Variants in UTRN observed in about 807,000 individuals in gnomAD.
The protein encoded by UTRN is dystrophin-related protein 1.
Under a neutral mutation model 463.9 loss-of-function variants are expected in UTRN, and 283 were observed. That is an observed-to-expected ratio of 0.61 (90% CI 0.55 to 0.67). The LOEUF (loss-of-function observed/expected upper bound fraction) is 0.67. UTRN is among the 30% of genes least tolerant of loss of function. The probability of loss-of-function intolerance (pLI) is 0.00; values close to 1 mark genes in which losing one functional copy is unlikely to be tolerated. For synonymous variants in UTRN, 1,442 were observed against 1,431.5 expected (o/e 1.01, Z -0.17); for missense variants, 3,922 against 4,084.3 (o/e 0.96, Z 1.08).
chr6:144,403,863 G>C (rs1432042682), intron 3 of UTRN, among the ~76,000 whole-genome samples: 1 of 152,184 alleles, frequency 6.6e-6, no homozygotes, highest in Non-Finnish European at 1.5e-5. Context: ...CCTGAGGTAG[G>C]AGGAGAGTTT....
At chr6:144,836,721 A>C in intron 71 of UTRN, 180 bp downstream of exon 71, 1 of 953,756 alleles carries the variant, frequency 1.0e-6, no homozygotes, top group Non-Finnish European at 1.5e-6. Flanking sequence ...CCTCATTGGC[A>C]CACAAAAATG....
intron 53 of UTRN, among the ~76,000 whole-genome samples, chr6:144,712,118 TA>T (rs1249834080): frequency 1.3e-5 from 2 of 152,036 alleles, no homozygotes. Flanking sequence ...TTTCTGAAAT[TA>T]AAAAAAATTA....
In UTRN at chr6:144,804,100, T is replaced by G. The variant is rs565354964; in HGVS notation, c.9357+953T>G. Reference sequence around the variant, plus strand: ...TCCTTCCAAATAATGCCCAAATGTATTCATCAAGCTGTCTATTTTCTTTGG... The same window carrying G: ...TCCTTCCAAATAATGCCCAAATGTAGTCATCAAGCTGTCTATTTTCTTTGG... On this transcript the variant is annotated intron_variant, in intron 65 of 74. Coordinates refer to ENST00000367545, the MANE Select transcript of UTRN (RefSeq NM_007124.3). 3.3e-5 allele frequency among the ~76,000 whole-genome samples: 5 copies of G among 152,300 alleles called. No individual in the cohort carries two copies. The East Asian group carries it at 9.6e-4, about 29-fold the overall frequency.
chr6:144,559,904 GGAT>G (rs1799713494), intron 50 of UTRN, among the ~76,000 whole-genome samples: 1 of 152,126 alleles, frequency 6.6e-6, no homozygotes, highest in African/African-American at 2.4e-5. Context: ...AACACAGTCA[GGAT>G]GATATTTTTC....
At chr6:144,727,792 C>T (rs892783396) in intron 53 of UTRN, among the ~76,000 whole-genome samples, 1 of 151,574 alleles carries the variant, frequency 6.6e-6, no homozygotes, top group African/African-American at 2.4e-5. Context: ...AACAAAAAAA[C>T]CCAACAAACT....
At chr6:144,460,516 G>A (rs1301363929) in intron 21 of UTRN, among the ~76,000 whole-genome samples, 1 of 152,210 alleles carries the variant, frequency 6.6e-6, no homozygotes, top group Non-Finnish European at 1.5e-5. Flanking sequence ...TCAGTTATGT[G>A]AAATATGTCT....
chr6:144,456,971 T>A (rs1584864835), intron 19 of UTRN, among the ~76,000 whole-genome samples: 1 of 152,282 alleles, frequency 6.6e-6, no homozygotes, highest in East Asian at 1.9e-4. Context: ...GTGGCAGGAA[T>A]GTGTTCTATG....
At chr6:144,622,184 GTTTTTTTT>G (rs1199579909) in intron 51 of UTRN, among the ~76,000 whole-genome samples, 5 of 88,202 alleles carry the variant, frequency 5.7e-5, no homozygotes, top group South Asian at 4.7e-4. Flanking sequence ...TTTTTTTGTT[GTTTTTTTT>G]TTTTTTTTTT....
intron 56 of UTRN, among the ~76,000 whole-genome samples, chr6:144,753,969 A>G (rs1791691859): frequency 1.3e-5 from 2 of 152,212 alleles, no homozygotes; most frequent in South Asian, 4.1e-4. Flanking sequence ...AACCCGAAGT[A>G]GAGATGATCA....
At chr6:144,514,368 A>T (rs528669616) in intron 36 of UTRN, among the ~76,000 whole-genome samples, 1 of 152,214 alleles carries the variant, frequency 6.6e-6, no homozygotes, top group South Asian at 2.1e-4. Flanking sequence ...TTACTTTTGT[A>T]TTCTCCAATG....
chr6:144,502,025 T>C (rs1018330666), intron 34 of UTRN, among the ~76,000 whole-genome samples: 2 of 152,166 alleles, frequency 1.3e-5, no homozygotes, highest in African/African-American at 4.8e-5. Context: ...CTGTTCTGAT[T>C]ATCAATGCTT....
chr6:144,714,483 C>T (rs982546155), intron 53 of UTRN, among the ~76,000 whole-genome samples: 5 of 152,192 alleles, frequency 3.3e-5, no homozygotes, highest in African/African-American at 1.2e-4. Context: ...GCCAGCTTCT[C>T]AGGTGTCCCA....
chr6:144,621,608 A>G (rs1304249995), intron 51 of UTRN, among the ~76,000 whole-genome samples: 1 of 152,194 alleles, frequency 6.6e-6, no homozygotes, highest in Non-Finnish European at 1.5e-5. Flanking sequence ...TGTTAATAAT[A>G]ACATATGTAG....
rs4896713 is a variant in UTRN at position 144,382,465 on chromosome 6, T to G, written c.80-20658T>G. Among the ~76,000 whole-genome samples, 437 of 152,372 alleles carry G rather than the reference T, an allele frequency of 2.9e-3. 2 individuals are homozygous for G. Among genetic ancestry groups the G allele is most frequent in the South Asian group, 7.5e-3 (36 of 4,830 alleles). On this transcript the variant is annotated intron_variant, in intron 2 of 74. Transcript: ENST00000367545. ...TCTAAGACAATTCTCCAGGGGATTC[T>G]GATGTTTTGCTACATCTGGGAATTT...
intron 51 of UTRN, among the ~76,000 whole-genome samples, chr6:144,598,256 A>G (rs976374023): frequency 6.6e-6 from 1 of 152,218 alleles, no homozygotes; most frequent in Non-Finnish European, 1.5e-5. Flanking sequence ...TGTAAGATGT[A>G]CATTGGTTTG....
chr6:144,517,989 C>G (rs1472100591), intron 39 of UTRN, among the ~76,000 whole-genome samples: 2 of 152,210 alleles, frequency 1.3e-5, no homozygotes, highest in Admixed American at 1.3e-4. Context: ...CATATCTTCT[C>G]ACATCACACT....
At chr6:144,482,694 A>T (rs1324138196) in intron 27 of UTRN, among the ~76,000 whole-genome samples, 1 of 152,146 alleles carries the variant, frequency 6.6e-6, no homozygotes. Context: ...CCAGGTTTTC[A>T]TGTAACAGAT....
intron 55 of UTRN, among the ~76,000 whole-genome samples, chr6:144,749,480 C>T (rs1791146609): frequency 6.6e-6 from 1 of 152,146 alleles, no homozygotes; most frequent in South Asian, 2.1e-4. Flanking sequence ...AGCAGATGTT[C>T]TGTTTTTATG....
At chr6:144,287,561 C>CT (rs1803816870) in intron 1 of UTRN, among the ~76,000 whole-genome samples, 1 of 152,040 alleles carries the variant, frequency 6.6e-6, no homozygotes, top group African/African-American at 2.4e-5. Flanking sequence ...TATATATGTG[C>CT]TATATACATA....
Sources: gnomAD v4.1 joint callset for allele counts (sites outside exome capture counted in the v4.1 genomes callset) on GRCh38, gnomAD v4.1.1 for gene constraint, MANE v1.5 for transcripts, NCBI Gene and HGNC (gene_info 2026-07-23, HGNC 2026-07-21) for gene names.